The following SLC44A5 variants were observed in gnomAD, a reference collection of about 807,000 sequenced individuals.
The protein encoded by SLC44A5 is solute carrier family 44 member 5.
A neutral mutation model predicts 101.8 loss-of-function variants in SLC44A5; 57 were observed. That is an observed-to-expected ratio of 0.56 (90% CI 0.45 to 0.70). The LOEUF is 0.70. Ranked by LOEUF, SLC44A5 falls within the 30% of genes least tolerant of loss-of-function variation. SLC44A5 has a pLI of 0.00. For missense variants in SLC44A5, 737 were observed against 853.1 expected (o/e 0.86, Z 1.70); for synonymous variants, 281 against 290.9 (o/e 0.97, Z 0.35).
At chr1:75,575,217 G>T (rs1673293363) in intron 1 of SLC44A5, among the ~76,000 whole-genome samples, 1 of 152,114 alleles carries the variant, frequency 6.6e-6, no homozygotes, top group African/African-American at 2.4e-5. Flanking sequence ...TCCCTCAACT[G>T]ATTATATTGT....
intron 2 of SLC44A5, among the ~76,000 whole-genome samples, chr1:75,443,286 T>C (rs1665312309): frequency 6.6e-6 from 1 of 151,516 alleles, no homozygotes; most frequent in African/African-American, 2.4e-5. Flanking sequence ...AAAAAGTAAA[T>C]AAATTTAAAA....
At chr1:75,280,970 GCTGCTAT>G (rs1379828078) in intron 5 of SLC44A5, among the ~76,000 whole-genome samples, 2 of 152,088 alleles carry the variant, frequency 1.3e-5, no homozygotes, top group Non-Finnish European at 2.9e-5. Context: ...GGAATGGGGT[GCTGCTAT>G]AAAGACACCC....
the SLC44A5 span, among the ~76,000 whole-genome samples, chr1:75,696,420 T>C: frequency 6.6e-6 from 1 of 152,094 alleles, no homozygotes; most frequent in South Asian, 2.1e-4. Context: ...AAAAAGGAGA[T>C]TCATAAAGGA....
intron 2 of SLC44A5, among the ~76,000 whole-genome samples, chr1:75,486,357 G>A (rs978331499): frequency 6.6e-6 from 1 of 151,964 alleles, no homozygotes; most frequent in African/African-American, 2.4e-5. Context: ...TAGAGGGAGT[G>A]ATATTGAATA....
intron 3 of SLC44A5, among the ~76,000 whole-genome samples, chr1:75,386,423 A>G (rs1479908815): frequency 1.3e-5 from 2 of 152,156 alleles, no homozygotes; most frequent in African/African-American, 4.8e-5. Context: ...CAACAGACAA[A>G]CAGAGAGCCA....
chr1:75,691,930 T>C, the SLC44A5 span, among the ~76,000 whole-genome samples: 1 of 152,150 alleles, frequency 6.6e-6, no homozygotes, highest in African/African-American at 2.4e-5. Context: ...CAATGGAGGT[T>C]AGGGTTTCAA....
At chr1:75,310,832 G>A (rs1352944730) in intron 4 of SLC44A5, among the ~76,000 whole-genome samples, 1 of 152,014 alleles carries the variant, frequency 6.6e-6, no homozygotes, top group Non-Finnish European at 1.5e-5. Flanking sequence ...GCTGATATCA[G>A]TAACAGCAAA....
At chr1:75,462,963 A>G (rs1009123126) in intron 2 of SLC44A5, among the ~76,000 whole-genome samples, 6 of 152,174 alleles carry the variant, frequency 3.9e-5, no homozygotes, top group African/African-American at 1.4e-4. Context: ...AAGGAATAGG[A>G]GTAGAAAGTT....
intron 2 of SLC44A5, among the ~76,000 whole-genome samples, chr1:75,525,427 A>C (rs1289271882): frequency 6.6e-6 from 1 of 152,198 alleles, no homozygotes; most frequent in Non-Finnish European, 1.5e-5. Flanking sequence ...GTTTATAAGA[A>C]ATCCAAAGAG....
the SLC44A5 span, among the ~76,000 whole-genome samples, chr1:75,706,910 C>T: frequency 6.6e-6 from 1 of 152,266 alleles, no homozygotes; most frequent in East Asian, 1.9e-4. Flanking sequence ...CTCACTCTCC[C>T]TCAATTGCAG....
At chr1:75,538,669 A>T (rs890940017) in intron 2 of SLC44A5, among the ~76,000 whole-genome samples, 8 of 152,240 alleles carry the variant, frequency 5.3e-5, no homozygotes, top group African/African-American at 1.9e-4. Flanking sequence ...TAAAGTAGAA[A>T]GTGTGGGTAA....
intron 1 of SLC44A5, among the ~76,000 whole-genome samples, chr1:75,570,130 T>A (rs1314204049): frequency 6.6e-6 from 1 of 152,206 alleles, no homozygotes; most frequent in African/African-American, 2.4e-5. Context: ...ACCAGACTGC[T>A]CATGGACAGG....
At chr1:75,214,753 G>A in intron 19 of SLC44A5, 75 bp from the exon 20 acceptor site, 1 of 1,170,344 alleles carries the variant, frequency 8.5e-7, no homozygotes, top group South Asian at 1.4e-5. Context: ...CCAATGACAG[G>A]AAGGTAACCA....
chr1:75,371,311 T>C (rs1660207217), intron 3 of SLC44A5, among the ~76,000 whole-genome samples: 1 of 152,254 alleles, frequency 6.6e-6, no homozygotes, highest in African/African-American at 2.4e-5. Context: ...GTTACTTAAC[T>C]TCTCTATGCC....
At chr1:75,345,030 T>C (rs1658146170) in intron 3 of SLC44A5, among the ~76,000 whole-genome samples, 1 of 152,120 alleles carries the variant, frequency 6.6e-6, no homozygotes, top group Non-Finnish European at 1.5e-5. Context: ...TAAAAGAATG[T>C]CAATGTAATT....
At chr1:75,714,263 A>G in the SLC44A5 span, among the ~76,000 whole-genome samples, 1 of 152,220 alleles carries the variant, frequency 6.6e-6, no homozygotes, top group African/African-American at 2.4e-5. Flanking sequence ...TCACACAAAC[A>G]GAACTAAAGA....
chr1:75,704,400 G>A, the SLC44A5 span, among the ~76,000 whole-genome samples: 1 of 152,032 alleles, frequency 6.6e-6, no homozygotes, highest in Non-Finnish European at 1.5e-5. Context: ...GACGGGGGAG[G>A]ACTGCTTGAG....
chr1:75,662,451 G>A, the SLC44A5 span, among the ~76,000 whole-genome samples: 1 of 151,558 alleles, frequency 6.6e-6, no homozygotes, highest in Admixed American at 6.6e-5. Context: ...TAGCATGATA[G>A]AATGACTATA....
At chr1:75,231,194 A>C (rs1647530101) in intron 12 of SLC44A5, among the ~76,000 whole-genome samples, 1 of 152,148 alleles carries the variant, frequency 6.6e-6, no homozygotes, top group Non-Finnish European at 1.5e-5. Context: ...AGTTTCAGGT[A>C]TGATCCCCTG....
Sources: allele counts gnomAD v4.1 joint callset (sites outside exome capture counted in the v4.1 genomes callset), GRCh38; gene constraint gnomAD v4.1.1; transcripts MANE v1.5; gene names NCBI Gene and HGNC (gene_info 2026-07-23, HGNC 2026-07-21).